Variants in DDX19A observed in about 807,000 individuals in gnomAD.
The protein encoded by DDX19A is ATP-dependent RNA helicase DDX19A.
In DDX19A, 12 loss-of-function variants were observed where a neutral mutation model predicts 60.6. The ratio of observed to expected loss-of-function variants is 0.20; its 90% CI spans 0.13 to 0.32. The LOEUF is 0.32. Ranked by LOEUF, DDX19A falls within the 10% of genes least tolerant of loss-of-function variation. The pLI, the probability that DDX19A is intolerant of heterozygous loss-of-function variation, is 1.00. For missense variants in DDX19A, 337 were observed against 600.6 expected, an observed-to-expected ratio of 0.56 and a Z score of 4.59; for synonymous variants, 206 against 218.2, an observed-to-expected ratio of 0.94 and a Z score of 0.49.
At chr16:70,347,084 A>C (rs1963854210) in intron 1 of DDX19A, 36 bp downstream of exon 1, 1 of 1,595,048 alleles carries the variant, frequency 6.3e-7, no homozygotes, top group East Asian at 2.3e-5. Flanking sequence ...AGGACGTAGC[A>C]GGGGCCCAAG....
intron 9 of DDX19A, among the ~76,000 whole-genome samples, chr16:70,368,781 A>G (rs1014604252): frequency 2.0e-5 from 3 of 152,110 alleles, no homozygotes; most frequent in Non-Finnish European, 4.4e-5. Context: ...TTTAGTTGTC[A>G]TGTCTCTTAA....
intron 4 of DDX19A, among the ~76,000 whole-genome samples, chr16:70,357,366 G>GTTTTTTTTGTTTTTTTTTT (rs1964237531): frequency 2.2e-5 from 1 of 44,596 alleles, no homozygotes; most frequent in African/African-American, 8.9e-5. Flanking sequence ...TTTTTGGTTT[G>GTTTTTTTTGTTTTTTTTTT]TTTTTTTTTT....
At position 70,350,500 on chromosome 16, in the gene DDX19A, G is replaced by A. The variant is rs927346738; in HGVS notation, c.58-57G>A. The A allele has an allele frequency of 4.4e-6, 6 of 1,375,704 alleles. No homozygotes were observed. In the Admixed American group the frequency reaches 1.2e-4, roughly 28 times the overall value. 85.2% of individuals were successfully genotyped at this position (1,375,704 alleles called of 1,614,324 possible). ...TACTAGAAAGTTTTTCTTTTCTTAG[G>A]GACCTTCCTTTTATTGGGTCCTTTG... is the stretch of plus-strand genomic sequence containing the variant. On this transcript the variant is annotated intron_variant, in intron 1 of 11. Coordinates refer to ENST00000302243, the MANE Select transcript of DDX19A (RefSeq NM_018332.5).
At position 70,373,317 on chromosome 16, in the gene DDX19A, T is replaced by C. The variant is rs1208570698; in HGVS notation, c.*1331T>C. On this transcript the variant is annotated 3_prime_UTR_variant, in exon 12 of 12. Coordinates refer to ENST00000302243, the MANE Select transcript of DDX19A (RefSeq NM_018332.5). ...TTTAAAGTAATTATGAGAAACGCTCTACTAATGATTTGTTTTTATTTGTAT... is the reference window on the plus strand; with the variant it reads ...TTTAAAGTAATTATGAGAAACGCTCCACTAATGATTTGTTTTTATTTGTAT... 6.6e-6 allele frequency: 1 copy of C among 152,234 alleles called. No individual in the cohort carries two copies. The highest frequency in any genetic ancestry group is 2.4e-5 in the African/African-American group (1 of 41,468). 9.4% of individuals were successfully genotyped at this position (152,234 alleles called of 1,614,324 possible). A position where few individuals can be genotyped will look rare whatever the true frequency, so the allele number is the denominator to read the frequency against.
intron 4 of DDX19A, among the ~76,000 whole-genome samples, chr16:70,358,131 A>G (rs984151418): frequency 7.2e-5 from 11 of 152,068 alleles, no homozygotes; most frequent in South Asian, 2.1e-4. Flanking sequence ...CCCGGGTTCA[A>G]GCGATTCTCG....
chr16:70,352,744 C>T (rs1401986275), intron 2 of DDX19A, among the ~76,000 whole-genome samples: 1 of 148,666 alleles, frequency 6.7e-6, no homozygotes, highest in Non-Finnish European at 1.5e-5. Flanking sequence ...TCAAGCGATT[C>T]TCCTGCTTCA....
intron 4 of DDX19A, 81 bp downstream of exon 4, chr16:70,356,328 G>A: frequency 6.4e-7 from 1 of 1,551,644 alleles, no homozygotes; most frequent in East Asian, 2.3e-5. Context: ...ATTCTTGTGA[G>A]AATTTTACTT....
chr16:70,351,607 C>T (rs1964020646), intron 2 of DDX19A, among the ~76,000 whole-genome samples: 2 of 151,144 alleles, frequency 1.3e-5, no homozygotes, highest in East Asian at 2.0e-4. Context: ...TTACTGCAAG[C>T]TCCGCCTCCC....
At chr16:70,358,223 G>A (rs554544633) in intron 4 of DDX19A, among the ~76,000 whole-genome samples, 9 of 151,984 alleles carry the variant, frequency 5.9e-5, no homozygotes, top group South Asian at 2.1e-4. Flanking sequence ...TAGAGACAGC[G>A]TTTCATCATG....
intron 8 of DDX19A, 75 bp from the exon 9 acceptor site, chr16:70,366,549 T>C (rs1964525237): frequency 6.3e-7 from 1 of 1,589,962 alleles, no homozygotes; most frequent in Non-Finnish European, 8.6e-7. Flanking sequence ...ATCTAGACCC[T>C]CCCAGCTGGG....
At chr16:70,347,086 G>C (rs1342635009) in intron 1 of DDX19A, 38 bp downstream of exon 1, 2 of 1,591,564 alleles carry the variant, frequency 1.3e-6, no homozygotes, top group Non-Finnish European at 1.7e-6. Context: ...GACGTAGCAG[G>C]GGCCCAAGCG....
chr16:70,364,504 C>T (rs777225703), intron 5 of DDX19A, 39 bp from the exon 6 acceptor site: 5 of 1,476,342 alleles, frequency 3.4e-6, no homozygotes, highest in Non-Finnish European at 4.7e-6. Flanking sequence ...TACTGAGTTT[C>T]ACCAATTTAA....
chr16:70,369,533 T>C (rs974647674), intron 9 of DDX19A, among the ~76,000 whole-genome samples: 5 of 152,090 alleles, frequency 3.3e-5, no homozygotes, highest in Admixed American at 1.3e-4. Flanking sequence ...ATCTCCCAAA[T>C]TGCTGTGGTT....
chr16:70,364,381 C>T (rs1402173071), intron 5 of DDX19A, 162 bp from the exon 6 acceptor site: 12 of 597,970 alleles, frequency 2.0e-5, no homozygotes, highest in African/African-American at 9.4e-5. Context: ...TTTTTAACAG[C>T]GTATAAAAAA....
intron 2 of DDX19A, among the ~76,000 whole-genome samples, 185 bp from the exon 3 acceptor site, chr16:70,355,300 A>G (rs1447370996): frequency 6.6e-6 from 1 of 152,154 alleles, no homozygotes; most frequent in African/African-American, 2.4e-5. Context: ...GCTTGAACCC[A>G]GGAGGTGGAG....
chr16:70,357,379 T>TTTTG (rs1964243273), intron 4 of DDX19A, among the ~76,000 whole-genome samples: 3 of 83,420 alleles, frequency 3.6e-5, no homozygotes, highest in Admixed American at 2.7e-4. Context: ...TTTTTTTTTT[T>TTTTG]TTTTTTTTTT....
chr16:70,366,110 G>A lies in DDX19A; in HGVS notation c.630G>A (p.Glu210=). Residue 210 remains glutamate (E), a synonymous_variant, in exon 8 of 12, where the codon GAG becomes GAA. Transcript: ENST00000302243. ...NKLERGQKIS[E]QIVIGTPGTV... ...TGGAAAGAGGCCAGAAGATCAGTGA[G>A]CAGATTGTCATTGGCACCCCTGGGA... 2 of 1,614,174 alleles carry A rather than the reference G, an allele frequency of 1.2e-6. No homozygotes were observed. Among genetic ancestry groups the A allele is most frequent in the Non-Finnish European group, 1.7e-6 (2 of 1,180,032 alleles).
At chr16:70,365,242 CCTAA>C (rs1597537525) in intron 7 of DDX19A, 111 bp downstream of exon 7, 6 of 684,028 alleles carry the variant, frequency 8.8e-6, no homozygotes, top group East Asian at 7.8e-5. Flanking sequence ...GACCCTGGAG[CCTAA>C]CTGTGTTGCT....
chr16:70,363,153 A>AT (rs1338287445), intron 5 of DDX19A: 1 of 151,494 alleles, frequency 6.6e-6, no homozygotes, highest in African/African-American at 2.4e-5. Flanking sequence ...CACCTGGCAT[A>AT]TTTATCATTT....
Sources: gnomAD v4.1 joint callset for allele counts (sites outside exome capture counted in the v4.1 genomes callset) on GRCh38, gnomAD v4.1.1 for gene constraint, MANE v1.5 for transcripts, NCBI Gene and HGNC (gene_info 2026-07-23, HGNC 2026-07-21) for gene names.